NRDC: variants seen among roughly 807,000 people sequenced by gnomAD.
NRDC encodes the protein nardilysin convertase.
A neutral mutation model predicts 147.1 loss-of-function variants in NRDC; 54 were observed. The observed-to-expected ratio is 0.37, with a 90% confidence interval of 0.29 to 0.46. The LOEUF (loss-of-function observed/expected upper bound fraction) is 0.46. Among genes scored for constraint, NRDC ranks in the 20% least tolerant of loss-of-function variants. The probability of loss-of-function intolerance (pLI) is 1.00; values close to 1 mark genes in which losing one functional copy is unlikely to be tolerated. For synonymous variants in NRDC, 440 were observed against 482.1 expected (o/e 0.91, Z 1.14); for missense variants, 1,082 against 1,370.6 (o/e 0.79, Z 3.33).
intron 2 of NRDC, among the ~76,000 whole-genome samples, chr1:51,837,896 TCTC>T (rs150902176): frequency 0.014 from 2,175 of 152,320 alleles, 54 homozygotes; most frequent in African/African-American, 0.049. Context: ...ATATCTTTCT[TCTC>T]AATTCCTTTA....
At chr1:51,849,190 T>A (rs1681810508) in intron 1 of NRDC, among the ~76,000 whole-genome samples, 2 of 151,810 alleles carry the variant, frequency 1.3e-5, no homozygotes, top group South Asian at 4.2e-4. Flanking sequence ...ATCCAGACCA[T>A]CCTGGCTAAC....
rs549423588 is a variant in NRDC at position 51,793,957 on chromosome 1, C to G, written c.2775+515G>C. ...CCAGTAGAATGGTGTGGAAAGAACA[C>G]AGAATCTGAAGACAAAAGGAATAAT... On this transcript the variant is annotated intron_variant, in intron 24 of 30. Coordinates refer to ENST00000352171, the MANE Select transcript of NRDC (RefSeq NM_001101662.2). The G allele has an allele frequency of 1.9e-5, 3 of 154,766 alleles. No homozygotes were observed. The East Asian group carries it at 5.7e-4, about 29-fold the overall frequency. The allele number at this position is 154,766 out of a possible 1,614,324, so 9.6% of individuals were successfully genotyped here.
Position 51,790,720 on chromosome 1 carries a change from G to T in NRDC, c.3052-71C>A. On this transcript the variant is annotated intron_variant, in intron 28 of 30. Coordinates refer to ENST00000352171, the MANE Select transcript of NRDC (RefSeq NM_001101662.2). ...CTTCCCACAGAACACACTGGGCCCT[G>T]TCCAGCCCGGCTTGTGATGGACATG... The T allele has an allele frequency of 1.8e-6, 2 of 1,139,348 alleles. 1 individual carries two copies. The allele number at this position is 1,139,348 out of a possible 1,614,324, so 70.6% of individuals were successfully genotyped here.
At chr1:51,844,247 C>G (rs1571894114) in intron 1 of NRDC, among the ~76,000 whole-genome samples, 1 of 152,190 alleles carries the variant, frequency 6.6e-6, no homozygotes, top group Non-Finnish European at 1.5e-5. Flanking sequence ...CCCCAAAATC[C>G]TATGTTGAAT....
chr1:51,843,947 AAACAG>A (rs1681404050), intron 1 of NRDC, among the ~76,000 whole-genome samples: 1 of 152,066 alleles, frequency 6.6e-6, no homozygotes, highest in Non-Finnish European at 1.5e-5. Context: ...AATTTTTCAT[AAACAG>A]AACAGAAAAA....
intron 17 of NRDC, among the ~76,000 whole-genome samples, 155 bp from the exon 18 acceptor site, chr1:51,807,068 A>G (rs976839479): frequency 6.6e-6 from 1 of 152,190 alleles, no homozygotes; most frequent in African/African-American, 2.4e-5. Context: ...CCAATACCAA[A>G]GGGAAAACTA....
chr1:51,789,274 T>A lies in NRDC; in HGVS notation c.3418A>T (p.Thr1140Ser), dbSNP rs767181283. The change falls in exon 31 of 31, where the codon ACA becomes TCA. Residue 1140 changes from threonine to serine, a missense_variant. Transcript: ENST00000352171. ...PITDIRAFTT[T>S]LNLLPYHKIV... Reference sequence around the variant, plus strand: ...TTATGGTAGGGGAGAAGGTTGAGTGTTGTTGTGAAAGCCCTGATATCAGTA... The same window carrying A: ...TTATGGTAGGGGAGAAGGTTGAGTGATGTTGTGAAAGCCCTGATATCAGTA... 1 of 1,614,130 alleles carries A rather than the reference T, an allele frequency of 6.2e-7. No homozygotes were observed. Among genetic ancestry groups the A allele is most frequent in the South Asian group, 1.1e-5 (1 of 91,088 alleles).
intron 1 of NRDC, among the ~76,000 whole-genome samples, chr1:51,869,652 C>T (rs1184377223): frequency 6.6e-6 from 1 of 152,028 alleles, no homozygotes; most frequent in Non-Finnish European, 1.5e-5. Flanking sequence ...AATCTTTATT[C>T]AACCAATGGA....
intron 1 of NRDC, among the ~76,000 whole-genome samples, chr1:51,858,429 G>A (rs945495028): frequency 6.7e-6 from 1 of 149,312 alleles, no homozygotes. Context: ...CAAATCAGCT[G>A]TGACTGTGCC....
chr1:51,873,967 T>A (rs1298828417), intron 1 of NRDC, among the ~76,000 whole-genome samples: 1 of 151,340 alleles, frequency 6.6e-6, no homozygotes, highest in Non-Finnish European at 1.5e-5. Flanking sequence ...GGCAGGCAGA[T>A]CTCTTGAGGT....
chr1:51,809,414 AAAAT>A lies in NRDC; in HGVS notation c.1904-17_1904-14del. 1.3e-6 allele frequency: 2 copies of A among 1,531,992 alleles called. No individual in the cohort carries two copies. Among genetic ancestry groups the A allele is most frequent in the Non-Finnish European group, 1.8e-6 (2 of 1,105,244 alleles). 94.9% of individuals were successfully genotyped at this position (1,531,992 alleles called of 1,614,324 possible). ...GAGTTTTCAATATCTGTAAAGGAGA[AAAAT>A]AAACTGACCCAATAAACAATGCAAT... On this transcript the variant is annotated splice_polypyrimidine_tract_variant and intron_variant, in intron 16 of 30. Coordinates refer to ENST00000352171, the MANE Select transcript of NRDC (RefSeq NM_001101662.2).
rs1571842343 is a variant in NRDC, at chr1:51,798,316, C to T, written c.2537G>A (p.Ser846Asn). The T allele has an allele frequency of 9.3e-6, 15 of 1,614,114 alleles. No individual in the cohort carries two copies. The highest frequency in any genetic ancestry group is 1.3e-5 in the Non-Finnish European group (15 of 1,180,018). ...CTGGGATTTGAATTCTTTGACGAAGCTCAGCAGAGACTCAAGGGAAAGGCC... is the reference window on the plus strand; with the variant it reads ...CTGGGATTTGAATTCTTTGACGAAGTTCAGCAGAGACTCAAGGGAAAGGCC... ...MDGLSLESLL[S>N]FVKEFKSQLF... The change falls in exon 22 of 31, where the codon AGC becomes AAC. Residue 846 changes from serine (S) to asparagine (N), a missense_variant. Ser to Asn is a conservative substitution (Grantham distance 46). Transcript: ENST00000352171.
At chr1:51,806,509 A>G (rs183376827) in intron 18 of NRDC, among the ~76,000 whole-genome samples, 25 of 152,358 alleles carry the variant, frequency 1.6e-4, no homozygotes, top group African/African-American at 3.4e-4. Flanking sequence ...TAAATCTGGT[A>G]GATAAGCCTA....
At chr1:51,825,184 A>G in intron 6 of NRDC, 103 bp downstream of exon 6, 1 of 770,734 alleles carries the variant, frequency 1.3e-6, no homozygotes, top group Middle Eastern at 3.8e-4. Context: ...GGTAAAAGGT[A>G]CCTAGGGACT....
intron 22 of NRDC, 130 bp downstream of exon 22, chr1:51,798,119 G>C (rs1019622082): frequency 2.4e-6 from 2 of 843,750 alleles, no homozygotes; most frequent in African/African-American, 3.4e-5. Context: ...GAGGGGTCAG[G>C]TTCCCTTCTA....
chr1:51,846,110 T>G (rs1681559994), intron 1 of NRDC, among the ~76,000 whole-genome samples: 1 of 149,968 alleles, frequency 6.7e-6, no homozygotes, highest in East Asian at 1.9e-4. Flanking sequence ...TATTTTACAC[T>G]TTATAATTTT....
chr1:51,859,804 G>A lies in NRDC; in HGVS notation c.341+18471C>T, dbSNP rs116213975. 1,382 of 153,300 alleles carry A rather than the reference G, an allele frequency of 9.0e-3. 35 individuals carry two copies. The South Asian group carries it at 0.092, about 10-fold the overall frequency. The allele number at this position is 153,300 out of a possible 1,614,324, so 9.5% of individuals were successfully genotyped here. Reference sequence around the variant, plus strand: ...GTATTTAGAAATGATGTAGTTAGATGTAGGAGATGCACAGCATTCTCAGTT... The same window carrying A: ...GTATTTAGAAATGATGTAGTTAGATATAGGAGATGCACAGCATTCTCAGTT... On this transcript the variant is annotated intron_variant, in intron 1 of 30. Transcript: ENST00000352171.
At chr1:51,856,883 C>T (rs1203495188) in intron 1 of NRDC, among the ~76,000 whole-genome samples, 1 of 152,266 alleles carries the variant, frequency 6.6e-6, no homozygotes. Flanking sequence ...AGACCTGACA[C>T]ACCCAACATT....
intron 1 of NRDC, among the ~76,000 whole-genome samples, chr1:51,853,816 C>T (rs1295187510): frequency 1.3e-5 from 2 of 152,176 alleles, no homozygotes; most frequent in Admixed American, 1.3e-4. Context: ...GAACAAGTCA[C>T]TTGGTTACAA....
Sources: gnomAD v4.1 joint callset for allele counts (sites outside exome capture counted in the v4.1 genomes callset) on GRCh38, gnomAD v4.1.1 for gene constraint, MANE v1.5 for transcripts, NCBI Gene and HGNC (gene_info 2026-07-23, HGNC 2026-07-21) for gene names.